Variants in UBE2E2 observed in about 807,000 individuals in gnomAD.
The protein encoded by UBE2E2 is ubiquitin conjugating enzyme E2 E2.
A neutral mutation model predicts 24.7 loss-of-function variants in UBE2E2; 6 were observed. The ratio of observed to expected loss-of-function variants is 0.24; its 90% CI spans 0.13 to 0.48. UBE2E2 has a LOEUF of 0.48. UBE2E2 is among the 20% of genes least tolerant of loss of function. UBE2E2 has a pLI of 0.99. For missense variants in UBE2E2, 169 were observed against 245.0 expected, an observed-to-expected ratio of 0.69 and a Z score of 2.07; for synonymous variants, 104 against 83.6, an observed-to-expected ratio of 1.24 and a Z score of -1.33.
At chr3:23,265,332 G>C (rs1332697309) in intron 3 of UBE2E2, among the ~76,000 whole-genome samples, 1 of 152,134 alleles carries the variant, frequency 6.6e-6, no homozygotes. Context: ...TCTCACTTCA[G>C]TTCCCTCACC....
chr3:23,468,548 T>A (rs1698970930), intron 3 of UBE2E2, among the ~76,000 whole-genome samples: 1 of 152,164 alleles, frequency 6.6e-6, no homozygotes, highest in Non-Finnish European at 1.5e-5. Flanking sequence ...TACCCAGTAA[T>A]GGAAATGTAA....
intron 3 of UBE2E2, among the ~76,000 whole-genome samples, chr3:23,428,355 A>G (rs1697978155): frequency 6.6e-6 from 1 of 152,224 alleles, no homozygotes; most frequent in African/African-American, 2.4e-5. Flanking sequence ...AATGAAAACA[A>G]AAACACAGCC....
At chr3:23,537,582 A>C (rs1575692895) in intron 5 of UBE2E2, among the ~76,000 whole-genome samples, 1 of 152,272 alleles carries the variant, frequency 6.6e-6, no homozygotes, top group South Asian at 2.1e-4. Context: ...AGAAAAGAGG[A>C]ATTTGCTCCC....
intron 3 of UBE2E2, among the ~76,000 whole-genome samples, chr3:23,222,427 G>A (rs561997199): frequency 2.6e-5 from 4 of 152,102 alleles, no homozygotes; most frequent in South Asian, 2.1e-4. Context: ...TAATTCCCAC[G>A]TGTTGTGGGA....
intron 3 of UBE2E2, among the ~76,000 whole-genome samples, chr3:23,389,294 T>C (rs1340067052): frequency 1.3e-5 from 2 of 152,138 alleles, no homozygotes; most frequent in African/African-American, 4.8e-5. Flanking sequence ...GCTCTGTGAG[T>C]TGTGCTTCCT....
At chr3:23,580,353 G>A (rs1696447999) in intron 5 of UBE2E2, among the ~76,000 whole-genome samples, 1 of 152,176 alleles carries the variant, frequency 6.6e-6, no homozygotes, top group African/African-American at 2.4e-5. Context: ...CCAGCCTTCA[G>A]TAACCTGATC....
At chr3:23,556,140 C>CTTTTTTTTTT (rs71057604) in intron 5 of UBE2E2, among the ~76,000 whole-genome samples, 1 of 92,332 alleles carries the variant, frequency 1.1e-5, no homozygotes, top group African/African-American at 4.4e-5. Flanking sequence ...AATATACAAA[C>CTTTTTTTTTT]TTTTTTTTTT....
intron 3 of UBE2E2, among the ~76,000 whole-genome samples, chr3:23,312,823 A>G (rs1337613403): frequency 2.0e-5 from 3 of 151,962 alleles, no homozygotes; most frequent in Non-Finnish European, 2.9e-5. Context: ...AAAGTTTTCA[A>G]TTTTCTTCTT....
At chr3:23,434,581 G>A (rs1008778144) in intron 3 of UBE2E2, among the ~76,000 whole-genome samples, 2 of 152,072 alleles carry the variant, frequency 1.3e-5, no homozygotes, top group African/African-American at 2.4e-5. Context: ...ATTTTATTAT[G>A]TGTATATTAG....
chr3:23,374,358 AATT>A (rs1394969804), intron 3 of UBE2E2, among the ~76,000 whole-genome samples: 1 of 152,340 alleles, frequency 6.6e-6, no homozygotes, highest in Admixed American at 6.5e-5. Context: ...AGATTATGTA[AATT>A]ATTCTTCAAA....
At chr3:23,223,434 C>G (rs1696719708) in intron 3 of UBE2E2, among the ~76,000 whole-genome samples, 1 of 152,122 alleles carries the variant, frequency 6.6e-6, no homozygotes. Flanking sequence ...CTCAAGTGAT[C>G]CTCCTGCCTT....
intron 5 of UBE2E2, among the ~76,000 whole-genome samples, chr3:23,557,069 T>C (rs1241571611): frequency 6.6e-6 from 1 of 152,156 alleles, no homozygotes; most frequent in Non-Finnish European, 1.5e-5. Flanking sequence ...AACATTGAAA[T>C]AGATGTGAGC....
rs566002008 is a variant in UBE2E2 at position 23,292,023 on chromosome 3, T to G, written c.227+74711T>G. ...ACAGGCGCCCGCCACCGCACCCGGCTAATTTTTTGTATTTTTAGTAGAGAC... is the reference window on the plus strand; with the variant it reads ...ACAGGCGCCCGCCACCGCACCCGGCGAATTTTTTGTATTTTTAGTAGAGAC... On this transcript the variant is annotated intron_variant, in intron 3 of 5. Transcript: ENST00000396703. 3.9e-5 allele frequency among the ~76,000 whole-genome samples: 6 copies of G among 152,096 alleles called. No homozygotes were observed. The East Asian group carries it at 1.2e-3, about 29-fold the overall frequency.
At chr3:23,304,104 T>C (rs142379573) in intron 3 of UBE2E2, among the ~76,000 whole-genome samples, 183 of 152,324 alleles carry the variant, frequency 1.2e-3, no homozygotes, top group African/African-American at 4.2e-3. Context: ...TGGCATTTTA[T>C]GTTGAGTAGT....
At chr3:23,275,168 G>A (rs1025639246) in intron 3 of UBE2E2, among the ~76,000 whole-genome samples, 11 of 152,310 alleles carry the variant, frequency 7.2e-5, no homozygotes, top group East Asian at 3.9e-4. Flanking sequence ...ATTTAATTGC[G>A]TTGTGGGAAA....
At chr3:23,288,589 G>T (rs899879162) in intron 3 of UBE2E2, among the ~76,000 whole-genome samples, 1 of 152,044 alleles carries the variant, frequency 6.6e-6, no homozygotes, top group Non-Finnish European at 1.5e-5. Context: ...ATATATCTGG[G>T]TGCTCCAGTT....
rs115998248 is a variant in UBE2E2, at chr3:23,230,378, A to T, written c.227+13066A>T. On this transcript the variant is annotated intron_variant, in intron 3 of 5. Coordinates refer to ENST00000396703, the MANE Select transcript of UBE2E2 (RefSeq NM_152653.4). The stretch of plus-strand genomic sequence containing the variant: ...ACTAGTATTCAGTCCCGATAGTTCA[A>T]TGTGTTGCTTATTTCACTGATAGAA... Among the ~76,000 whole-genome samples the T allele has an allele frequency of 2.3e-3, 350 of 152,306 alleles. 2 individuals are homozygous for T. The highest frequency in any genetic ancestry group is 8.0e-3 in the African/African-American group (333 of 41,558).
intron 3 of UBE2E2, among the ~76,000 whole-genome samples, chr3:23,428,018 G>T (rs1247261397): frequency 1.3e-5 from 2 of 152,212 alleles, no homozygotes; most frequent in Non-Finnish European, 2.9e-5. Context: ...CCAGCAGGCA[G>T]AAAATTAGTG....
intron 3 of UBE2E2, among the ~76,000 whole-genome samples, chr3:23,312,368 A>G (rs898102466): frequency 2.0e-5 from 3 of 152,084 alleles, no homozygotes; most frequent in South Asian, 4.1e-4. Context: ...CCTTCCCACA[A>G]GCATTTAGAT....
Sources: allele counts gnomAD v4.1 joint callset (sites outside exome capture counted in the v4.1 genomes callset), GRCh38; gene constraint gnomAD v4.1.1; transcripts MANE v1.5; gene names NCBI Gene and HGNC (gene_info 2026-07-23, HGNC 2026-07-21).